The following GABRG3 variants were observed in gnomAD, a reference collection of about 807,000 sequenced individuals.
GABRG3 encodes gamma-aminobutyric acid receptor subunit gamma-3.
A neutral mutation model predicts 48.8 loss-of-function variants in GABRG3; 25 were observed. The ratio of observed to expected loss-of-function variants is 0.51; its 90% CI spans 0.37 to 0.72. The LOEUF (loss-of-function observed/expected upper bound fraction) is 0.72. Among genes scored for constraint, GABRG3 ranks in the 30% least tolerant of loss-of-function variants. GABRG3 has a pLI of 0.00. For missense variants in GABRG3, 394 were observed against 577.9 expected, an observed-to-expected ratio of 0.68 and a Z score of 3.26; for synonymous variants, 227 against 217.6, an observed-to-expected ratio of 1.04 and a Z score of -0.38.
At chr15:27,073,736 G>A (rs977041539) in intron 3 of GABRG3, among the ~76,000 whole-genome samples, 7 of 152,206 alleles carry the variant, frequency 4.6e-5, no homozygotes, top group Non-Finnish European at 7.3e-5. Flanking sequence ...ATATTCCAAG[G>A]GACAAGAGTC....
At chr15:27,220,088 A>C (rs1889402468) in intron 3 of GABRG3, among the ~76,000 whole-genome samples, 2 of 152,168 alleles carry the variant, frequency 1.3e-5, no homozygotes, top group African/African-American at 4.8e-5. Flanking sequence ...GAGGATGGGC[A>C]GCTCACACCT....
intron 3 of GABRG3, among the ~76,000 whole-genome samples, chr15:27,096,239 G>T (rs899212182): frequency 1.3e-5 from 2 of 152,172 alleles, no homozygotes; most frequent in Non-Finnish European, 2.9e-5. Context: ...CTGTGTAGGG[G>T]CTCCAGGCTC....
At chr15:27,050,872 G>T (rs1380075717) in intron 3 of GABRG3, among the ~76,000 whole-genome samples, 1 of 152,004 alleles carries the variant, frequency 6.6e-6, no homozygotes, top group East Asian at 1.9e-4. Context: ...TACATATTTT[G>T]CTTATAATAT....
At chr15:27,187,671 T>A (rs2140420371) in intron 3 of GABRG3, among the ~76,000 whole-genome samples, 1 of 152,292 alleles carries the variant, frequency 6.6e-6, no homozygotes, top group South Asian at 2.1e-4. Flanking sequence ...TTGTAGCTAT[T>A]GTAAATGGGA....
chr15:27,152,389 A>C (rs2140397255), intron 3 of GABRG3, among the ~76,000 whole-genome samples: 1 of 152,306 alleles, frequency 6.6e-6, no homozygotes, highest in South Asian at 2.1e-4. Flanking sequence ...ATAGTTATTA[A>C]AAATTCTTGA....
intron 3 of GABRG3, among the ~76,000 whole-genome samples, chr15:27,230,442 G>A (rs1466828409): frequency 6.6e-6 from 1 of 152,140 alleles, no homozygotes; most frequent in Non-Finnish European, 1.5e-5. Context: ...ACCTCAGAGG[G>A]CACAATTAAT....
intron 3 of GABRG3, among the ~76,000 whole-genome samples, chr15:27,204,470 T>G (rs926004725): frequency 6.6e-6 from 1 of 152,098 alleles, no homozygotes; most frequent in Admixed American, 6.5e-5. Flanking sequence ...AGTGATAGTG[T>G]GATGCTTCCA....
intron 3 of GABRG3, among the ~76,000 whole-genome samples, chr15:27,131,199 A>G (rs1410484174): frequency 1.3e-5 from 2 of 152,058 alleles, no homozygotes; most frequent in Non-Finnish European, 2.9e-5. Context: ...ATTGTGGTGC[A>G]TTCGTTATCT....
rs1281962567 is a variant in GABRG3, at chr15:27,448,835, A to T, written c.575-31815A>T. ...CACAAAATAAGTTACGAAGTTATTT[A>T]AAAAAAAAACAGATAAAAATTATTT... is the stretch of plus-strand genomic sequence containing the variant. On this transcript the variant is annotated intron_variant, in intron 5 of 9. Coordinates refer to ENST00000615808, the MANE Select transcript of GABRG3 (RefSeq NM_033223.5). 3.5e-5 allele frequency among the ~76,000 whole-genome samples: 3 copies of T among 86,116 alleles called. No homozygotes were observed. In the South Asian group the frequency reaches 1.1e-3, roughly 31 times the overall value. 56.5% of individuals were successfully genotyped at this position (86,116 alleles called of 152,430 possible).
rs567667350 is a variant in GABRG3 at position 27,263,619 on chromosome 15, C to T, written c.271-63190C>T. On this transcript the variant is annotated intron_variant, in intron 3 of 9. Transcript: ENST00000615808. ...TTTTTAAACTTCAATTTATAAACCC[C>T]AAATGCTATGCCTGACTCATCTCTG... Among the ~76,000 whole-genome samples the T allele has an allele frequency of 2.6e-4, 39 of 152,248 alleles. No individual in the cohort carries two copies. The South Asian group carries it at 6.2e-3, about 24-fold the overall frequency.
At chr15:27,275,380 AT>A (rs1345151961) in intron 3 of GABRG3, among the ~76,000 whole-genome samples, 6 of 152,224 alleles carry the variant, frequency 3.9e-5, no homozygotes, top group Admixed American at 3.9e-4. Flanking sequence ...ACCAGCTTTC[AT>A]ATAGCAAATA....
At chr15:26,982,373 C>T (rs1895072006) in intron 2 of GABRG3, among the ~76,000 whole-genome samples, 2 of 152,136 alleles carry the variant, frequency 1.3e-5, no homozygotes, top group African/African-American at 2.4e-5. Context: ...TGTCACTGGG[C>T]ACCACATGGA....
chr15:26,994,575 A>C (rs761169482), intron 2 of GABRG3, among the ~76,000 whole-genome samples: 1 of 151,946 alleles, frequency 6.6e-6, no homozygotes, highest in Non-Finnish European at 1.5e-5. Context: ...AGTTATTATT[A>C]TTTATTGGTT....
chr15:27,173,473 G>A (rs1052277819), intron 3 of GABRG3, among the ~76,000 whole-genome samples: 22 of 152,136 alleles, frequency 1.4e-4, no homozygotes, highest in African/African-American at 3.9e-4. Flanking sequence ...AGCATTCCTC[G>A]CTCCAAAATA....
chr15:27,282,309 T>A (rs554283111), intron 3 of GABRG3, among the ~76,000 whole-genome samples: 1 of 152,222 alleles, frequency 6.6e-6, no homozygotes, highest in South Asian at 2.1e-4. Context: ...TTTATTTTCT[T>A]TCTTCTCTCC....
At chr15:27,307,686 T>C (rs1461762493) in intron 3 of GABRG3, among the ~76,000 whole-genome samples, 1 of 129,728 alleles carries the variant, frequency 7.7e-6, no homozygotes, top group Non-Finnish European at 1.6e-5. Context: ...AACATAGGTT[T>C]ATGTTTATAT....
At chr15:27,334,397 A>G (rs982568022) in intron 5 of GABRG3, among the ~76,000 whole-genome samples, 9 of 152,222 alleles carry the variant, frequency 5.9e-5, no homozygotes, top group Non-Finnish European at 8.8e-5. Context: ...AGAAAATTAT[A>G]TATGCAAAAT....
chr15:27,339,947 T>C (rs1357279217), intron 5 of GABRG3, among the ~76,000 whole-genome samples: 3 of 151,932 alleles, frequency 2.0e-5, no homozygotes, highest in African/African-American at 2.4e-5. Context: ...CCAGAGTTGA[T>C]GGAGGGAGGA....
intron 5 of GABRG3, among the ~76,000 whole-genome samples, chr15:27,478,357 A>G (rs1369464855): frequency 6.6e-6 from 1 of 152,186 alleles, no homozygotes; most frequent in Non-Finnish European, 1.5e-5. Context: ...CTCAACAAAC[A>G]CCTCACCAAA....
Sources: allele counts gnomAD v4.1 joint callset (sites outside exome capture counted in the v4.1 genomes callset), GRCh38; gene constraint gnomAD v4.1.1; transcripts MANE v1.5; gene names NCBI Gene and HGNC (gene_info 2026-07-23, HGNC 2026-07-21).